Variants in ARSJ observed in about 807,000 individuals in gnomAD.
ARSJ encodes the protein arylsulfatase J.
Under a neutral mutation model 35.9 loss-of-function variants are expected in ARSJ, and 26 were observed. The ratio of observed to expected loss-of-function variants is 0.72; its 90% CI spans 0.53 to 1.00. The LOEUF (loss-of-function observed/expected upper bound fraction) is 1.00. Among genes scored for constraint, ARSJ ranks in the 50% least tolerant of loss-of-function variants. The probability of loss-of-function intolerance (pLI) is 0.00; values close to 1 mark genes in which losing one functional copy is unlikely to be tolerated. For synonymous variants in ARSJ, 294 were observed against 267.6 expected (o/e 1.10, Z -0.96); for missense variants, 667 against 723.6 (o/e 0.92, Z 0.90).
At chr4:113,935,161 A>G (rs17677317) in intron 1 of ARSJ, among the ~76,000 whole-genome samples, 10,472 of 151,946 alleles carry the variant, frequency 0.069, 393 homozygotes, top group East Asian at 0.11. Context: ...AATTAACTAA[A>G]GATAGCTAGT....
In ARSJ at chr4:113,903,353, T is replaced by A. The variant is rs2099667738; in HGVS notation, c.721A>T (p.Met241Leu). ...ATTTGCTGTACTCTCTGAGTGTACA[T>A]CTGTGTGGAGTATATGCCATTGTCA... is the stretch of plus-strand genomic sequence containing the variant. ...DYDNGIYSTQ[M>L]YTQRVQQILA... is the part of the protein sequence containing the mutation. Residue 241 changes from methionine to leucine, a missense_variant, in exon 2 of 2, where the codon ATG becomes TTG. Transcript: ENST00000315366. The A allele has an allele frequency of 6.2e-7, 1 of 1,614,084 alleles. No individual in the cohort carries two copies. Among genetic ancestry groups the A allele is most frequent in the Admixed American group, 1.7e-5 (1 of 60,012 alleles).
Position 113,902,929 on chromosome 4 carries a change from G to A in ARSJ, c.1145C>T (p.Pro382Leu). Residue 382 changes from proline to leucine, a missense_variant, in exon 2 of 2, where the codon CCC becomes CTC. Pro to Leu is a moderately conservative substitution (Grantham distance 98). Transcript: ENST00000315366. ...KELVHITDWYPTLISLAEGQI... is the reference protein window; with the variant it reads ...KELVHITDWYLTLISLAEGQI... ...TCCTTCAGCCAGTGAAATGAGAGTG[G>A]GGTACCAGTCAGTGATGTGCACAAG... is the stretch of plus-strand genomic sequence containing the variant. 1 of 1,614,124 alleles carries A rather than the reference G, an allele frequency of 6.2e-7. No homozygotes were observed.
chr4:113,961,480 C>T (rs538834761), intron 1 of ARSJ, among the ~76,000 whole-genome samples: 1 of 151,968 alleles, frequency 6.6e-6, no homozygotes, highest in East Asian at 1.9e-4. Flanking sequence ...AACAAACATT[C>T]CTCTCAATGA....
At chr4:113,909,466 T>C (rs1359504978) in intron 1 of ARSJ, among the ~76,000 whole-genome samples, 3 of 152,158 alleles carry the variant, frequency 2.0e-5, no homozygotes, top group Non-Finnish European at 4.4e-5. Context: ...GTAGTTCCCA[T>C]AATCCCCACA....
At chr4:113,974,852 C>T (rs1362886873) in intron 1 of ARSJ, among the ~76,000 whole-genome samples, 2 of 152,064 alleles carry the variant, frequency 1.3e-5, no homozygotes, top group Admixed American at 6.6e-5. Context: ...CCTATGTTCA[C>T]AAAAAACATA....
rs753323611 is a variant in ARSJ at position 113,978,749 on chromosome 4, G to A, written c.86C>T (p.Ala29Val). The change falls in exon 1 of 2, where the codon GCG (alanine) becomes GTG (valine). Residue 29 changes from alanine to valine, a missense_variant. Coordinates refer to ENST00000315366, the MANE Select transcript of ARSJ (RefSeq NM_024590.4). The stretch of plus-strand genomic sequence containing the variant: ...GCAGAGGATCCAGAATCCTGCCAGC[G>A]CCCCCATTGCTAGCATCTTTCCAGG... ...VCPGKMLAMG[A>V]LAGFWILCLL... 7 of 1,614,092 alleles carry A rather than the reference G, an allele frequency of 4.3e-6. No individual in the cohort carries two copies. In the East Asian group the frequency reaches 6.7e-5, roughly 15 times the overall value.
intron 1 of ARSJ, among the ~76,000 whole-genome samples, chr4:113,972,468 C>G (rs958954891): frequency 6.6e-6 from 1 of 152,126 alleles, no homozygotes; most frequent in African/African-American, 2.4e-5. Flanking sequence ...AACTCCCTAA[C>G]CCTTTCCAAT....
chr4:113,936,003 A>C (rs1210293690), intron 1 of ARSJ, among the ~76,000 whole-genome samples: 1 of 151,990 alleles, frequency 6.6e-6, no homozygotes. Context: ...ATTTGCTATC[A>C]AATCAGCCTG....
intron 1 of ARSJ, among the ~76,000 whole-genome samples, chr4:113,939,996 T>G (rs1279383208): frequency 6.6e-6 from 1 of 152,132 alleles, no homozygotes; most frequent in Non-Finnish European, 1.5e-5. Context: ...AAACAACAGA[T>G]GCTGGCGAGG....
chr4:113,912,289 G>C (rs1282976425), intron 1 of ARSJ, among the ~76,000 whole-genome samples: 4 of 152,166 alleles, frequency 2.6e-5, no homozygotes, highest in Non-Finnish European at 5.9e-5. Context: ...GTGGAGAAGA[G>C]TTTTAGAGTC....
chr4:113,964,258 G>C (rs1726750575), intron 1 of ARSJ, among the ~76,000 whole-genome samples: 1 of 151,932 alleles, frequency 6.6e-6, no homozygotes, highest in South Asian at 2.1e-4. Context: ...ATAGCTTCCT[G>C]ATTTAAACAA....
chr4:113,902,700 T>C lies in ARSJ; in HGVS notation c.1374A>G (p.Thr458=), dbSNP rs1562327529. ...AIRVQHWKLL[T]GNPGYSDWVP... ...CCCAGTCGCTGTAGCCAGGATTTCC[T>C]GTAAGCAATTTCCAGTGCTGCACTC... Residue 458 remains threonine (T), a synonymous_variant, in exon 2 of 2, where the codon ACA becomes ACG. Transcript: ENST00000315366. 1 of 1,614,254 alleles carries C rather than the reference T, an allele frequency of 6.2e-7. No individual in the cohort carries two copies. Among genetic ancestry groups the C allele is most frequent in the Non-Finnish European group, 8.5e-7 (1 of 1,180,046 alleles).
Position 113,900,659 on chromosome 4 carries a change from T to C in ARSJ, c.*1615A>G, listed in dbSNP as rs551910625. On this transcript the variant is annotated 3_prime_UTR_variant, in exon 2 of 2. Transcript: ENST00000315366. ...GTTATAACTTCAAAGATCATAATTC[T>C]AGCTATCTGTGACTTTTCAAGTGTA... The C allele has an allele frequency of 6.6e-6, 1 of 152,288 alleles. No homozygotes were observed. Among genetic ancestry groups the C allele is most frequent in the African/African-American group, 2.4e-5 (1 of 41,568 alleles). 9.4% of individuals were successfully genotyped at this position (152,288 alleles called of 1,614,324 possible). A position where few individuals can be genotyped will look rare whatever the true frequency, so the allele number is the denominator to read the frequency against.
chr4:113,977,971 C>T (rs1332678969), intron 1 of ARSJ, among the ~76,000 whole-genome samples: 1 of 152,184 alleles, frequency 6.6e-6, no homozygotes, highest in African/African-American at 2.4e-5. Flanking sequence ...TTTTACATTA[C>T]TCTATATCTG....
At chr4:113,911,726 A>G (rs1164032427) in intron 1 of ARSJ, among the ~76,000 whole-genome samples, 1 of 152,150 alleles carries the variant, frequency 6.6e-6, no homozygotes, top group African/African-American at 2.4e-5. Context: ...CCTGCCCTGC[A>G]TTTAGCTAGA....
intron 1 of ARSJ, among the ~76,000 whole-genome samples, chr4:113,957,190 T>G (rs940306572): frequency 1.3e-5 from 2 of 152,098 alleles, no homozygotes; most frequent in Admixed American, 1.3e-4. Flanking sequence ...TATAGTAAGC[T>G]AATAGGAATA....
rs750733516 is a variant in ARSJ at position 113,978,487 on chromosome 4, G to A, written c.348C>T (p.Tyr116=). The A allele has an allele frequency of 2.5e-6, 4 of 1,614,060 alleles. No individual in the cohort carries two copies. The highest frequency in any genetic ancestry group is 1.1e-5 in the South Asian group (1 of 91,076). The part of the protein sequence containing the change: ...LAAEGVKLEN[Y]YVQPICTPSR... Reference sequence around the variant, plus strand: ...ATGGTGTGCAAATAGGCTGGACATAGTAGTTCTCCAGTTTAACTCCTTCGG... The same window carrying A: ...ATGGTGTGCAAATAGGCTGGACATAATAGTTCTCCAGTTTAACTCCTTCGG... Residue 116 remains tyrosine (Y), a synonymous_variant, in exon 1 of 2, where the codon TAC becomes TAT. Coordinates refer to ENST00000315366, the MANE Select transcript of ARSJ (RefSeq NM_024590.4).
At chr4:113,922,100 C>T (rs1353782603) in intron 1 of ARSJ, among the ~76,000 whole-genome samples, 1 of 152,068 alleles carries the variant, frequency 6.6e-6, no homozygotes, top group Non-Finnish European at 1.5e-5. Context: ...ATGTCTACTA[C>T]AAGAAAGAAC....
chr4:113,968,192 A>T (rs1483508889), intron 1 of ARSJ, among the ~76,000 whole-genome samples: 1 of 152,186 alleles, frequency 6.6e-6, no homozygotes, highest in Non-Finnish European at 1.5e-5. Flanking sequence ...CCCATGAAAA[A>T]ACTGAAGGAT....
Sources: gnomAD v4.1 joint callset for allele counts (sites outside exome capture counted in the v4.1 genomes callset) on GRCh38, gnomAD v4.1.1 for gene constraint, MANE v1.5 for transcripts, NCBI Gene and HGNC (gene_info 2026-07-23, HGNC 2026-07-21) for gene names.